Variants in UGT2B7 observed in about 807,000 individuals in gnomAD.
The protein encoded by UGT2B7 is UDP glucuronosyltransferase family 2 member B7.
In UGT2B7, 51 loss-of-function variants were observed where a neutral mutation model predicts 51.9. That is an observed-to-expected ratio of 0.98 (90% confidence interval 0.78 to 1.24). The LOEUF is 1.24. Ranked by LOEUF, UGT2B7 falls within the 50% of genes most tolerant of loss-of-function variation. The probability of loss-of-function intolerance (pLI) is 0.00; values close to 1 mark genes in which losing one functional copy is unlikely to be tolerated. For synonymous variants in UGT2B7, 225 were observed against 211.6 expected (o/e 1.06, Z -0.55); for missense variants, 727 against 628.4 (o/e 1.16, Z -1.68).
chr4:69,102,955 T>A lies in UGT2B7; in HGVS notation c.1002+17T>A, dbSNP rs1211430610. 3.1e-6 allele frequency: 5 copies of A among 1,607,074 alleles called. No homozygotes were observed. The African/African-American group carries it at 6.7e-5, about 22-fold the overall frequency. ...CCACAAAAGGTAAGATGAAGTGCCT[T>A]ACTGGTGTGGAAAACTACTGAAAGA... On this transcript the variant is annotated intron_variant, in intron 3 of 5. Coordinates refer to ENST00000305231, the MANE Select transcript of UGT2B7 (RefSeq NM_001074.4).
At chr4:69,101,154 GA>G (rs1719407439) in intron 2 of UGT2B7, among the ~76,000 whole-genome samples, 1 of 151,938 alleles carries the variant, frequency 6.6e-6, no homozygotes, top group Non-Finnish European at 1.5e-5. Flanking sequence ...AAGTGAGTTA[GA>G]AAATGATAAA....
chr4:69,103,422 A>C (rs1359956405), intron 3 of UGT2B7, among the ~76,000 whole-genome samples: 1 of 152,172 alleles, frequency 6.6e-6, no homozygotes, highest in East Asian at 1.9e-4. Flanking sequence ...TATTAGCATC[A>C]GTGGGAACTC....
At position 69,080,365 on chromosome 4, in the gene UGT2B7, C is replaced by T. The variant is rs547839365; in HGVS notation, c.-158-9107C>T. Among the ~76,000 whole-genome samples, 60 of 151,844 alleles carry T rather than the reference C, an allele frequency of 4.0e-4. 1 individual carries two copies. The highest frequency in any genetic ancestry group is 9.9e-4 in the Admixed American group (15 of 15,228). On this transcript the variant is annotated intron_variant, in intron 1 of 5. Coordinates refer to the UGT2B7 transcript ENST00000502942. Reference sequence around the variant, plus strand: ...GAGTTTGAGACCAGACTGGACAATGCGGTAAAACTCCGTCCCTGCTAAAAA... The same window carrying T: ...GAGTTTGAGACCAGACTGGACAATGTGGTAAAACTCCGTCCCTGCTAAAAA...
intron 1 of UGT2B7, among the ~76,000 whole-genome samples, chr4:69,085,639 A>G (rs900132852): frequency 2.0e-5 from 3 of 151,690 alleles, no homozygotes; most frequent in Non-Finnish European, 4.4e-5. Context: ...TTAGTACTGA[A>G]ACTATCAGTT....
chr4:69,064,064 GAAAGAAAGAA>G (rs1560499640), intron 1 of UGT2B7, among the ~76,000 whole-genome samples: 1 of 101,820 alleles, frequency 9.8e-6, no homozygotes, highest in Non-Finnish European at 1.9e-5. Flanking sequence ...AAGAAAGAAA[GAAAGAAAGAA>G]AGAAAGAAAG....
chr4:69,112,914 C>G lies in UGT2B7; in HGVS notation c.*178C>G. 1.1e-6 allele frequency: 1 copy of G among 923,638 alleles called. No individual in the cohort carries two copies. 57.2% of individuals were successfully genotyped at this position (923,638 alleles called of 1,614,324 possible). On this transcript the variant is annotated 3_prime_UTR_variant, in exon 6 of 6. Transcript: ENST00000305231. ...AATTTGTTTTTCAGAGATTTACCACCCAGTTCATGGTTAGAAATATTTTGT... is the reference window on the plus strand; with the variant it reads ...AATTTGTTTTTCAGAGATTTACCACGCAGTTCATGGTTAGAAATATTTTGT...
chr4:69,111,581 T>C (rs573113167), intron 5 of UGT2B7, among the ~76,000 whole-genome samples: 1 of 152,298 alleles, frequency 6.6e-6, no homozygotes, highest in South Asian at 2.1e-4. Flanking sequence ...AATTAGATTG[T>C]TCATAATACA....
At chr4:69,097,336 T>A in intron 1 of UGT2B7, 95 bp downstream of exon 1, 1 of 1,409,070 alleles carries the variant, frequency 7.1e-7, no homozygotes, top group Non-Finnish European at 9.5e-7. Flanking sequence ...GGTAGTGGGG[T>A]TTTGGTAAGT....
intron 1 of UGT2B7, among the ~76,000 whole-genome samples, chr4:69,053,680 CGTG>C (rs1718102245): frequency 6.6e-6 from 1 of 152,168 alleles, no homozygotes; most frequent in Non-Finnish European, 1.5e-5. Flanking sequence ...AAGTTCACTT[CGTG>C]TCTCTCACAG....
At chr4:69,104,567 A>G (rs1421593513) in intron 3 of UGT2B7, among the ~76,000 whole-genome samples, 1 of 152,176 alleles carries the variant, frequency 6.6e-6, no homozygotes, top group Non-Finnish European at 1.5e-5. Context: ...ATATACATTA[A>G]CGATGCTAAA....
chr4:69,109,437 G>A (rs1424445938), intron 5 of UGT2B7, among the ~76,000 whole-genome samples: 1 of 152,066 alleles, frequency 6.6e-6, no homozygotes, highest in Non-Finnish European at 1.5e-5. Context: ...CTTAGTGGGT[G>A]TAAAATGATC....
intron 1 of UGT2B7, among the ~76,000 whole-genome samples, chr4:69,084,378 T>C (rs991222528): frequency 5.3e-5 from 8 of 150,764 alleles, no homozygotes; most frequent in Non-Finnish European, 1.2e-4. Context: ...AAGGTAATCA[T>C]ACTCTTGACA....
intron 1 of UGT2B7, among the ~76,000 whole-genome samples, chr4:69,059,643 A>ACTGGGAGCGAC (rs149855137): frequency 1.3e-5 from 2 of 151,618 alleles, no homozygotes; most frequent in African/African-American, 4.8e-5. Context: ...TAGAGTTAAA[A>ACTGGGAGCGAC]TCCAGTTCAG....
Position 69,096,705 on chromosome 4 carries a change from TTC to T in UGT2B7, c.187_188del (p.Leu63PhefsTer2), listed in dbSNP as rs748299852. 1.2e-5 allele frequency: 20 copies of T among 1,614,030 alleles called. No homozygotes were observed. Among genetic ancestry groups the T allele is most frequent in the Middle Eastern group, 1.6e-4 (1 of 6,062 alleles). On this transcript the variant is annotated frameshift_variant, in exon 1 of 6. Coordinates refer to ENST00000305231, the MANE Select transcript of UGT2B7 (RefSeq NM_001074.4). LOFTEE classifies it high-confidence loss of function. ...ACTGTACTGGCATCTTCAGCTTCCA[TTC>T]TTTTTGATCCCAACAACTCATCCGC...
chr4:69,078,431 C>CT (rs1225974344), intron 1 of UGT2B7, among the ~76,000 whole-genome samples: 2 of 152,170 alleles, frequency 1.3e-5, no homozygotes, highest in South Asian at 2.1e-4. Context: ...TGGTCCTGGA[C>CT]TTTTTTTGGT....
chr4:69,069,591 T>A lies in UGT2B7; in HGVS notation c.-159+17989T>A, dbSNP rs117571392. 2.1e-4 allele frequency: 32 copies of A among 152,216 alleles called. No homozygotes were observed. In the East Asian group the frequency reaches 6.0e-3, roughly 28 times the overall value. 9.4% of individuals were successfully genotyped at this position (152,216 alleles called of 1,614,324 possible). A position where few individuals can be genotyped will look rare whatever the true frequency, so the allele number is the denominator to read the frequency against. ...TCTACACAAAAATTTCACATATTTA[T>A]CTTTTCTGGTTCATTATATAAGTTG... On this transcript the variant is annotated intron_variant, in intron 1 of 5. Coordinates refer to the UGT2B7 transcript ENST00000502942.
intron 5 of UGT2B7, among the ~76,000 whole-genome samples, chr4:69,108,988 A>G (rs1719694633): frequency 1.3e-5 from 2 of 151,616 alleles, no homozygotes; most frequent in African/African-American, 4.8e-5. Flanking sequence ...GAATGGAATC[A>G]TACAGTTTAG....
chr4:69,051,926 G>A (rs1718027111), intron 1 of UGT2B7, among the ~76,000 whole-genome samples: 1 of 152,220 alleles, frequency 6.6e-6, no homozygotes, highest in Admixed American at 6.5e-5. Flanking sequence ...AAAAGTGTGT[G>A]TGTGCCCTTT....
intron 2 of UGT2B7, among the ~76,000 whole-genome samples, chr4:69,100,454 G>C (rs562327371): frequency 6.6e-6 from 1 of 151,944 alleles, no homozygotes; most frequent in Non-Finnish European, 1.5e-5. Context: ...GATCATTTTT[G>C]TCTACATAAA....
Sources: gnomAD v4.1 joint callset for allele counts (sites outside exome capture counted in the v4.1 genomes callset) on GRCh38, gnomAD v4.1.1 for gene constraint, MANE v1.5 for transcripts, NCBI Gene and HGNC (gene_info 2026-07-23, HGNC 2026-07-21) for gene names.